Variants in CD8B observed in about 807,000 individuals in gnomAD.
CD8B encodes the protein CD8 subunit beta.
In CD8B, 6 loss-of-function variants were observed where a neutral mutation model predicts 24.2. The ratio of observed to expected loss-of-function variants is 0.25; its 90% CI spans 0.14 to 0.49. CD8B has a LOEUF of 0.49. Among genes scored for constraint, CD8B ranks in the 20% least tolerant of loss-of-function variants. The pLI is 0.98. For missense variants in CD8B, 196 were observed against 271.3 expected, an observed-to-expected ratio of 0.72 and a Z score of 1.95; for synonymous variants, 84 against 108.3, an observed-to-expected ratio of 0.78 and a Z score of 1.39.
intron 5 of CD8B, chr2:86,833,003 TTCTC>T: frequency 3.0e-6 from 1 of 331,474 alleles, no homozygotes; most frequent in South Asian, 2.1e-5. Flanking sequence ...TCCTCTCCTC[TTCTC>T]TCTCTCCCTC....
intron 4 of CD8B, among the ~76,000 whole-genome samples, chr2:86,846,419 C>T (rs1325048386): frequency 1.3e-5 from 2 of 151,990 alleles, no homozygotes; most frequent in Admixed American, 6.6e-5. Context: ...CTGAGGCAGC[C>T]GAGGCTCAGA....
chr2:86,851,591 C>T (rs1558760765), intron 3 of CD8B, among the ~76,000 whole-genome samples: 1 of 152,214 alleles, frequency 6.6e-6, no homozygotes, highest in Non-Finnish European at 1.5e-5. Flanking sequence ...CCACCCTGGT[C>T]TCCCAGATCC....
Position 86,841,868 on chromosome 2 carries a change from C to A in CD8B, c.*439G>T, listed in dbSNP as rs375141567. 2.1e-5 allele frequency: 21 copies of A among 987,010 alleles called. 1 individual carries two copies. The East Asian group carries it at 4.5e-4, about 21-fold the overall frequency. The allele number at this position is 987,010 out of a possible 1,614,324, so 61.1% of individuals were successfully genotyped here. Reference sequence around the variant, plus strand: ...CTGGCCTCTCTGCGAGGAAGGTCAGCCCCAGCCTGGGAAGACCAAGAGGGA... The same window carrying A: ...CTGGCCTCTCTGCGAGGAAGGTCAGACCCAGCCTGGGAAGACCAAGAGGGA... On this transcript the variant is annotated 3_prime_UTR_variant, in exon 6 of 6. Transcript: ENST00000390655.
At chr2:86,857,448 G>A (rs1244848369) in intron 2 of CD8B, among the ~76,000 whole-genome samples, 1 of 152,210 alleles carries the variant, frequency 6.6e-6, no homozygotes, top group East Asian at 1.9e-4. Context: ...GCCAGGCATG[G>A]TGGCTCACGC....
chr2:86,818,765 A>G (rs1216944485), intron 5 of CD8B, among the ~76,000 whole-genome samples: 2 of 152,234 alleles, frequency 1.3e-5, no homozygotes, highest in African/African-American at 2.4e-5. Context: ...GAAAGGAAGA[A>G]TTGCGCATCT....
intron 5 of CD8B, among the ~76,000 whole-genome samples, chr2:86,826,027 A>G (rs1243997273): frequency 6.6e-6 from 1 of 152,036 alleles, no homozygotes; most frequent in African/African-American, 2.4e-5. Context: ...GCCTTGAAAC[A>G]TTTGCAGACC....
rs769835949 is a variant in CD8B at position 86,858,277 on chromosome 2, C to T, written c.183G>A (p.Pro61=). ...GGAACTCGTGGTGACTGTCACTGCTCGGTGCCTGGCGCTGTCTCAGCCAGT... is the reference window on the plus strand; with the variant it reads ...GGAACTCGTGGTGACTGTCACTGCTTGGTGCCTGGCGCTGTCTCAGCCAGT... The part of the protein sequence containing the change: ...RIYWLRQRQA[P]SSDSHHEFLA... The change falls in exon 2 of 6, where the codon CCG becomes CCA. Residue 61 remains proline (P), a synonymous_variant. Transcript: ENST00000390655. 5.6e-6 allele frequency: 9 copies of T among 1,613,880 alleles called. No homozygotes were observed. The East Asian group carries it at 8.9e-5, about 16-fold the overall frequency.
chr2:86,861,524 C>T (rs1465161463), intron 1 of CD8B, among the ~76,000 whole-genome samples: 1 of 152,238 alleles, frequency 6.6e-6, no homozygotes, highest in Non-Finnish European at 1.5e-5. Context: ...TCCAGCGACC[C>T]TCTCTTTCCT....
chr2:86,818,182 C>A (rs945877859), intron 5 of CD8B, among the ~76,000 whole-genome samples: 1 of 151,936 alleles, frequency 6.6e-6, no homozygotes, highest in Non-Finnish European at 1.5e-5. Flanking sequence ...GCACTTCAGT[C>A]TGGGTGACAG....
intron 5 of CD8B, chr2:86,822,288 A>G (rs1674509894): frequency 2.3e-6 from 3 of 1,326,070 alleles, no homozygotes; most frequent in Non-Finnish European, 1.1e-6. Context: ...TGACCTCAGA[A>G]AGCAATATCA....
intron 1 of CD8B, among the ~76,000 whole-genome samples, chr2:86,861,552 T>G (rs1031776328): frequency 1.1e-4 from 16 of 152,154 alleles, no homozygotes; most frequent in Admixed American, 8.5e-4. Flanking sequence ...CTCGCTCCCC[T>G]TTTCACTGCC....
chr2:86,856,235 T>A (rs1676240170), intron 2 of CD8B, among the ~76,000 whole-genome samples: 1 of 151,730 alleles, frequency 6.6e-6, no homozygotes. Flanking sequence ...AAGTCAGGAG[T>A]GAGTGCGGTT....
intron 4 of CD8B, 46 bp downstream of exon 4, chr2:86,846,638 A>C (rs1675689832): frequency 1.1e-6 from 1 of 950,854 alleles, no homozygotes; most frequent in African/African-American, 1.7e-5. Flanking sequence ...GGGACACTTC[A>C]AACAGCAAAC....
At chr2:86,855,029 C>T (rs1676165157) in intron 2 of CD8B, among the ~76,000 whole-genome samples, 2 of 151,340 alleles carry the variant, frequency 1.3e-5, no homozygotes, top group African/African-American at 4.9e-5. Flanking sequence ...GCTGAGGCAG[C>T]AGAGTCGTTT....
chr2:86,844,407 G>A (rs1436500534), intron 5 of CD8B, among the ~76,000 whole-genome samples: 4 of 151,944 alleles, frequency 2.6e-5, no homozygotes, highest in Admixed American at 6.6e-5. Flanking sequence ...TCTGTCAAAT[G>A]AGGGTGATAA....
intron 2 of CD8B, among the ~76,000 whole-genome samples, chr2:86,855,574 C>G (rs1480805018): frequency 6.6e-6 from 1 of 152,216 alleles, no homozygotes; most frequent in Admixed American, 6.5e-5. Context: ...GATTTTCTGA[C>G]AAAAGTTGAA....
At chr2:86,857,793 T>C (rs13400210) in intron 2 of CD8B, among the ~76,000 whole-genome samples, 77,381 of 152,074 alleles carry the variant, frequency 0.51, 20,187 homozygotes, top group African/African-American at 0.61. Context: ...CCGTCTCTTC[T>C]AGTTTCATCT....
chr2:86,849,703 G>GT (rs551385750), intron 3 of CD8B, among the ~76,000 whole-genome samples: 63,531 of 127,396 alleles, frequency 0.5, 16,547 homozygotes, highest in East Asian at 0.73. Context: ...CAACTAAGGT[G>GT]TTTTTTTTTT....
downstream of CD8B, among the ~76,000 whole-genome samples, chr2:86,835,818 T>TGCCCTCTGCTTGTGTTGGC (rs1675154432): frequency 2.1e-5 from 3 of 143,266 alleles, no homozygotes; most frequent in Non-Finnish European, 3.1e-5. Flanking sequence ...CTTGTGTTGG[T>TGCCCTCTGCTTGTGTTGGC]ATCACCCGGG....
Sources: allele counts gnomAD v4.1 joint callset (sites outside exome capture counted in the v4.1 genomes callset), GRCh38; gene constraint gnomAD v4.1.1; transcripts MANE v1.5; gene names NCBI Gene and HGNC (gene_info 2026-07-23, HGNC 2026-07-21).